EMB: variants seen among roughly 807,000 people sequenced by gnomAD.
The protein encoded by EMB is embigin homolog.
EMB carries 31 observed loss-of-function variants against 41.4 expected under a neutral mutation model. That is an observed-to-expected ratio of 0.75 (90% CI 0.56 to 1.01). The LOEUF is 1.01. Ranked by LOEUF, EMB falls within the 50% of genes least tolerant of loss-of-function variation. The pLI is 0.00. For missense variants in EMB, 379 were observed against 388.3 expected (o/e 0.98, Z 0.20); for synonymous variants, 137 against 140.4 (o/e 0.98, Z 0.17).
In EMB at chr5:50,402,264, A is replaced by G. The variant is rs761258046; in HGVS notation, c.911+22T>C. The G allele has an allele frequency of 3.1e-6, 5 of 1,604,414 alleles. No homozygotes were observed. In the South Asian group the frequency reaches 4.4e-5, roughly 14 times the overall value. On this transcript the variant is annotated intron_variant, in intron 7 of 8. Coordinates refer to ENST00000303221, the MANE Select transcript of EMB (RefSeq NM_198449.3). ...CTGTATTTTACCCAAGTGAAAATTA[A>G]TCTGTAAAAAATAATACTTACAGCT... is the stretch of plus-strand genomic sequence containing the variant.
At chr5:50,412,833 T>C (rs1745364617) in intron 2 of EMB, among the ~76,000 whole-genome samples, 1 of 151,306 alleles carries the variant, frequency 6.6e-6, no homozygotes. Flanking sequence ...TCCAACCCCA[T>C]TTCTAAAGCC....
At chr5:50,424,112 G>A (rs906022627) in intron 2 of EMB, among the ~76,000 whole-genome samples, 1 of 152,012 alleles carries the variant, frequency 6.6e-6, no homozygotes, top group Non-Finnish European at 1.5e-5. Context: ...AACAAACACA[G>A]GAAACCTAAC....
chr5:50,441,853 TG>T, upstream of EMB, among the ~76,000 whole-genome samples: 1 of 152,180 alleles, frequency 6.6e-6, no homozygotes, highest in East Asian at 1.9e-4. Flanking sequence ...TAACAGCTTC[TG>T]AGGAGCCACC....
rs745389323 is a variant in EMB at position 50,441,167 on chromosome 5, G to A, written c.-16C>T. ...GGGCGCGCATGGCGCCAGAGGGTCCGCCTGGGTCCTCGTGGAGACTGCTCC... is the reference window on the plus strand; with the variant it reads ...GGGCGCGCATGGCGCCAGAGGGTCCACCTGGGTCCTCGTGGAGACTGCTCC... On this transcript the variant is annotated 5_prime_UTR_variant, in exon 1 of 9. Coordinates refer to ENST00000303221, the MANE Select transcript of EMB (RefSeq NM_198449.3). The A allele has an allele frequency of 1.6e-5, 23 of 1,443,862 alleles. No homozygotes were observed. Among genetic ancestry groups the A allele is most frequent in the Non-Finnish European group, 2.1e-5 (23 of 1,092,098 alleles). 89.4% of individuals were successfully genotyped at this position (1,443,862 alleles called of 1,614,324 possible).
At position 50,428,764 on chromosome 5, in the gene EMB, G is replaced by A. The variant is rs1745665274; in HGVS notation, c.113-537C>T. 3.0e-6 allele frequency: 3 copies of A among 984,986 alleles called. No homozygotes were observed. In the South Asian group the frequency reaches 1.4e-4, roughly 46 times the overall value. 61.0% of individuals were successfully genotyped at this position (984,986 alleles called of 1,614,324 possible). On this transcript the variant is annotated intron_variant, in intron 1 of 8. Coordinates refer to ENST00000303221, the MANE Select transcript of EMB (RefSeq NM_198449.3). ...CCAAGAGGCATGCCCTCTAACACCT[G>A]ACTTTCAGTTTCCTCTGCCTCTGTC...
At chr5:50,403,968 AGAATG>A (rs1745209022) in intron 5 of EMB, among the ~76,000 whole-genome samples, 1 of 151,934 alleles carries the variant, frequency 6.6e-6, no homozygotes, top group East Asian at 1.9e-4. Context: ...TGATGTAGAT[AGAATG>A]GAGGGGACCC....
chr5:50,428,623 G>A, intron 1 of EMB: 1 of 986,712 alleles, frequency 1.0e-6, no homozygotes, highest in Non-Finnish European at 1.2e-6. Flanking sequence ...GCGACAGGCA[G>A]ACCTTAATAA....
intron 1 of EMB, among the ~76,000 whole-genome samples, chr5:50,438,035 C>G (rs1745834273): frequency 6.6e-6 from 1 of 152,152 alleles, no homozygotes. Context: ...GCATGTCATT[C>G]AGTGCAAATC....
intron 1 of EMB, among the ~76,000 whole-genome samples, chr5:50,435,698 T>C (rs1369570865): frequency 6.6e-6 from 1 of 152,216 alleles, no homozygotes; most frequent in African/African-American, 2.4e-5. Flanking sequence ...TCTTTTTCCC[T>C]TGATATTAGT....
intron 1 of EMB, among the ~76,000 whole-genome samples, chr5:50,437,647 A>G (rs1745826631): frequency 6.6e-6 from 1 of 150,560 alleles, no homozygotes; most frequent in South Asian, 2.1e-4. Context: ...AACTGCCAGC[A>G]TGTTCTACTG....
chr5:50,441,606 C>T (rs1745917683), upstream of EMB, among the ~76,000 whole-genome samples: 1 of 152,166 alleles, frequency 6.6e-6, no homozygotes, highest in Admixed American at 6.5e-5. Context: ...CACTTTTCTC[C>T]TCCCGGACCC....
intron 5 of EMB, among the ~76,000 whole-genome samples, chr5:50,405,336 C>T (rs1181593016): frequency 1.3e-5 from 2 of 151,710 alleles, no homozygotes; most frequent in Non-Finnish European, 2.9e-5. Flanking sequence ...GAGACAGAAG[C>T]CCAAAAAGAT....
rs1745112448 is a variant in EMB, at chr5:50,398,829, A to T, written c.*444T>A. 1 of 152,654 alleles carries T rather than the reference A, an allele frequency of 6.6e-6. No individual in the cohort carries two copies. The highest frequency in any genetic ancestry group is 1.9e-4 in the East Asian group (1 of 5,186). The allele number at this position is 152,654 out of a possible 1,614,324, so 9.5% of individuals were successfully genotyped here. A position where few individuals can be genotyped will look rare whatever the true frequency, so the allele number is the denominator to read the frequency against. ...CACAGAAAGATGACCTTTACATAAA[A>T]ATTGTTACATATACTTCCATAGATA... On this transcript the variant is annotated 3_prime_UTR_variant, in exon 9 of 9. Transcript: ENST00000303221.
chr5:50,411,465 A>T, intron 2 of EMB, 82 bp from the exon 3 acceptor site: 1 of 901,028 alleles, frequency 1.1e-6, no homozygotes, highest in Non-Finnish European at 1.6e-6. Context: ...TATTAACAGC[A>T]GTGTTTCATT....
chr5:50,397,724 T>C lies in EMB; in HGVS notation c.*1549A>G, dbSNP rs892034329. The C allele has an allele frequency of 2.6e-5, 4 of 152,072 alleles. No individual in the cohort carries two copies. Among genetic ancestry groups the C allele is most frequent in the Non-Finnish European group, 4.4e-5 (3 of 67,990 alleles). The allele number at this position is 152,072 out of a possible 1,614,324, so 9.4% of individuals were successfully genotyped here. A position where few individuals can be genotyped will look rare whatever the true frequency, so the allele number is the denominator to read the frequency against. On this transcript the variant is annotated 3_prime_UTR_variant, in exon 9 of 9. Coordinates refer to ENST00000303221, the MANE Select transcript of EMB (RefSeq NM_198449.3). ...AATTAATTAAACTAAAATAAATGTA[T>C]GGCCCTGAGACCAGAATAAAATGAA...
Position 50,419,566 on chromosome 5 carries a change from C to CACACACACAT in EMB, c.197-8184_197-8183insATGTGTGTGT, listed in dbSNP as rs1390483921. On this transcript the variant is annotated intron_variant, in intron 2 of 8. Transcript: ENST00000303221. ...ACACACATACACACACACACACACA[C>CACACACACAT]ACACAGATAACTGTATAAAACTGAT... Among the ~76,000 whole-genome samples, 5 of 151,982 alleles carry CACACACACAT rather than the reference C, an allele frequency of 3.3e-5. No homozygotes were observed. In the East Asian group the frequency reaches 9.7e-4, roughly 30 times the overall value.
chr5:50,419,878 A>G (rs1745489503), intron 2 of EMB, among the ~76,000 whole-genome samples: 1 of 152,246 alleles, frequency 6.6e-6, no homozygotes, highest in East Asian at 1.9e-4. Flanking sequence ...TGTCCTTTGC[A>G]GGGACATGGA....
Position 50,441,064 on chromosome 5 carries a change from T to C in EMB, c.88A>G (p.Ser30Gly), listed in dbSNP as rs1368303243. 1 of 1,511,012 alleles carries C rather than the reference T, an allele frequency of 6.6e-7. No homozygotes were observed. The allele number at this position is 1,511,012 out of a possible 1,614,324, so 93.6% of individuals were successfully genotyped here. ...CCTGGGGCACTGCCGTCCGCCGAGC[T>C]TGGGCGCGCGGCAGCGAGAAGGCAC... ...LQCLLAAARP[S>G]SADGSAPDSP... is the part of the protein sequence containing the mutation. Residue 30 changes from serine (S) to glycine (G), a missense_variant, in exon 1 of 9, where the codon AGC becomes GGC. Transcript: ENST00000303221.
At chr5:50,442,162 T>G (rs1201834146), upstream of EMB, among the ~76,000 whole-genome samples, 7 of 152,182 alleles carry the variant, frequency 4.6e-5, no homozygotes, top group African/African-American at 1.7e-4. Flanking sequence ...TTTATTTTTT[T>G]GAAGTTCAGC....
Sources: gnomAD v4.1 joint callset for allele counts (sites outside exome capture counted in the v4.1 genomes callset) on GRCh38, gnomAD v4.1.1 for gene constraint, MANE v1.5 for transcripts, NCBI Gene and HGNC (gene_info 2026-07-23, HGNC 2026-07-21) for gene names.